Variants in FCHO2 observed in about 807,000 individuals in gnomAD.
FCHO2 encodes FCH and mu domain containing endocytic adaptor 2.
A neutral mutation model predicts 114.1 loss-of-function variants in FCHO2; 43 were observed. The ratio of observed to expected loss-of-function variants is 0.38; its 90% CI spans 0.30 to 0.49. The LOEUF (loss-of-function observed/expected upper bound fraction) is 0.49. Among genes scored for constraint, FCHO2 ranks in the 20% least tolerant of loss-of-function variants. The pLI, the probability that FCHO2 is intolerant of heterozygous loss-of-function variation, is 0.97. For missense variants in FCHO2, 807 were observed against 950.4 expected (o/e 0.85, Z 1.98); for synonymous variants, 293 against 315.2 (o/e 0.93, Z 0.75).
intron 1 of FCHO2, among the ~76,000 whole-genome samples, chr5:72,959,473 C>T (rs928668770): frequency 1.3e-5 from 2 of 152,050 alleles, no homozygotes; most frequent in Non-Finnish European, 2.9e-5. Context: ...GGTCACTGTA[C>T]TCCAGCCTGG....
chr5:73,048,451 C>T (rs945282110), intron 11 of FCHO2, among the ~76,000 whole-genome samples: 1 of 151,968 alleles, frequency 6.6e-6, no homozygotes, highest in African/African-American at 2.4e-5. Flanking sequence ...TCTCAAAAAA[C>T]TAAATAAATA....
rs1743401818 is a variant in FCHO2 at position 73,089,026 on chromosome 5, CAGAGTCATAAAGCCTAACTTA to C, written c.*940_*960del. ...TTGGCCTGCAACTGGGAAGGGGATT[CAGAGTCATAAAGCCTAACTTA>C]AGAATCCTGGCTCACTTCTTTGGTG... On this transcript the variant is annotated 3_prime_UTR_variant, in exon 26 of 26. Transcript: ENST00000430046. 6.6e-6 allele frequency: 1 copy of C among 152,338 alleles called. No individual in the cohort carries two copies. The highest frequency in any genetic ancestry group is 1.5e-5 in the Non-Finnish European group (1 of 67,936). The allele number at this position is 152,338 out of a possible 1,614,324, so 9.4% of individuals were successfully genotyped here. A position where few individuals can be genotyped will look rare whatever the true frequency, so the allele number is the denominator to read the frequency against.
chr5:73,009,585 C>T (rs1205020039), intron 6 of FCHO2, among the ~76,000 whole-genome samples: 3 of 152,076 alleles, frequency 2.0e-5, no homozygotes, highest in Non-Finnish European at 4.4e-5. Context: ...CAACCAGGCT[C>T]GAGTGCAATG....
At chr5:73,027,322 T>C (rs541070639) in intron 8 of FCHO2, among the ~76,000 whole-genome samples, 1 of 151,972 alleles carries the variant, frequency 6.6e-6, no homozygotes, top group African/African-American at 2.4e-5. Flanking sequence ...CAGGTTTCCA[T>C]TTATATATAT....
intron 5 of FCHO2, among the ~76,000 whole-genome samples, chr5:72,996,508 AG>A (rs1403402923): frequency 6.6e-6 from 1 of 152,014 alleles, no homozygotes; most frequent in Admixed American, 6.6e-5. Flanking sequence ...AACAGAAAAA[AG>A]CTATTGACTC....
intron 11 of FCHO2, among the ~76,000 whole-genome samples, chr5:73,042,563 A>AC (rs1198338909): frequency 6.6e-6 from 1 of 152,212 alleles, no homozygotes; most frequent in East Asian, 1.9e-4. Context: ...ACAAAAGAAT[A>AC]CAGAATTCTA....
chr5:72,994,013 A>G (rs553815739), intron 5 of FCHO2, among the ~76,000 whole-genome samples: 121 of 152,284 alleles, frequency 7.9e-4, no homozygotes, highest in African/African-American at 2.8e-3. Flanking sequence ...TTAAATGTAA[A>G]ACCCAAAACT....
chr5:73,048,636 ATAACCTTGTGCATATATATTTT>A (rs1287968105), intron 11 of FCHO2, among the ~76,000 whole-genome samples: 1 of 152,118 alleles, frequency 6.6e-6, no homozygotes, highest in Non-Finnish European at 1.5e-5. Flanking sequence ...TCTTCGATGA[ATAACCTTGTGCATATATATTTT>A]TAAATAGTTG....
At position 73,081,060 on chromosome 5, in the gene FCHO2, T is replaced by G. The variant is rs188009375; in HGVS notation, c.1981-723T>G. 1.8e-3 allele frequency among the ~76,000 whole-genome samples: 277 copies of G among 152,222 alleles called. 1 individual carries two copies. The highest frequency in any genetic ancestry group is 6.8e-3 in the Middle Eastern group (2 of 294). ...AGGAGGTTGAGGCTGCAGTGAGCCA[T>G]GAGCATGCCACTACACTCCAGCCTG... On this transcript the variant is annotated intron_variant, in intron 22 of 25. Transcript: ENST00000430046.
chr5:72,997,374 G>C (rs1754176633), intron 5 of FCHO2: 2 of 1,592,150 alleles, frequency 1.3e-6, no homozygotes, highest in Admixed American at 3.3e-5. Flanking sequence ...CTTAAGACGA[G>C]ATACTACGGA....
chr5:72,975,626 T>C (rs970972420), intron 2 of FCHO2, among the ~76,000 whole-genome samples: 1 of 152,174 alleles, frequency 6.6e-6, no homozygotes, highest in African/African-American at 2.4e-5. Flanking sequence ...TGCCTCAGCC[T>C]CTTGAGTAGC....
At chr5:73,087,032 T>A (rs1431060872) in intron 24 of FCHO2, among the ~76,000 whole-genome samples, 1 of 152,170 alleles carries the variant, frequency 6.6e-6, no homozygotes, top group Non-Finnish European at 1.5e-5. Flanking sequence ...TGGTTTACTG[T>A]TCCTGCCATT....
chr5:72,993,184 G>A (rs1445134013), intron 5 of FCHO2, among the ~76,000 whole-genome samples: 2 of 151,604 alleles, frequency 1.3e-5, no homozygotes, highest in African/African-American at 4.8e-5. Context: ...GAAATTAAAC[G>A]TAATGAAACA....
chr5:72,969,706 T>C (rs1218757898), intron 2 of FCHO2, among the ~76,000 whole-genome samples: 2 of 152,230 alleles, frequency 1.3e-5, no homozygotes, highest in Non-Finnish European at 2.9e-5. Context: ...TTGCCCAGAA[T>C]CTATCCCTTT....
chr5:72,992,631 A>G (rs1753867697), intron 5 of FCHO2, among the ~76,000 whole-genome samples: 1 of 152,232 alleles, frequency 6.6e-6, no homozygotes, highest in African/African-American at 2.4e-5. Flanking sequence ...GTTGCTGACA[A>G]GAACTAAAGC....
intron 8 of FCHO2, among the ~76,000 whole-genome samples, chr5:73,018,264 C>T (rs925554664): frequency 3.3e-5 from 5 of 151,878 alleles, no homozygotes; most frequent in African/African-American, 9.7e-5. Context: ...AGTATTTTTC[C>T]CTTCAGACTT....
rs115239751 is a variant in FCHO2 at position 73,061,983 on chromosome 5, G to A, written c.1346-1858G>A. Among the ~76,000 whole-genome samples, 543 of 152,150 alleles carry A rather than the reference G, an allele frequency of 3.6e-3. 5 individuals are homozygous for A. The highest frequency in any genetic ancestry group is 0.013 in the African/African-American group (528 of 41,538). ...TCCACTTTTGTTCAGATAAAGAATGGTATGACAAGCATGCTTTGTCTATTT... is the reference window on the plus strand; with the variant it reads ...TCCACTTTTGTTCAGATAAAGAATGATATGACAAGCATGCTTTGTCTATTT... On this transcript the variant is annotated intron_variant, in intron 17 of 25. Coordinates refer to ENST00000430046, the MANE Select transcript of FCHO2 (RefSeq NM_138782.3).
At chr5:73,022,608 G>A (rs978756124) in intron 8 of FCHO2, among the ~76,000 whole-genome samples, 2 of 152,192 alleles carry the variant, frequency 1.3e-5, no homozygotes, top group Admixed American at 1.3e-4. Context: ...TCATCTCAGT[G>A]CTGTAGGCAG....
intron 8 of FCHO2, among the ~76,000 whole-genome samples, chr5:73,026,076 C>CT (rs1165524552): frequency 9.9e-5 from 15 of 151,830 alleles, no homozygotes; most frequent in Admixed American, 9.2e-4. Context: ...CGACTGAACT[C>CT]TAACTACTCC....
Sources: gnomAD v4.1 joint callset for allele counts (sites outside exome capture counted in the v4.1 genomes callset) on GRCh38, gnomAD v4.1.1 for gene constraint, MANE v1.5 for transcripts, NCBI Gene and HGNC (gene_info 2026-07-23, HGNC 2026-07-21) for gene names.